Variants in RBL2 observed in about 807,000 individuals in gnomAD.
RBL2 encodes the protein RB transcriptional corepressor like 2, also known as retinoblastoma-like protein 2.
Under a neutral mutation model 126.0 loss-of-function variants are expected in RBL2, and 56 were observed. That is an observed-to-expected ratio of 0.44 (90% CI 0.36 to 0.56). The LOEUF is 0.56. Among genes scored for constraint, RBL2 ranks in the 20% least tolerant of loss-of-function variants. The probability of loss-of-function intolerance (pLI) is 0.00; values close to 1 mark genes in which losing one functional copy is unlikely to be tolerated. For synonymous variants in RBL2, 454 were observed against 478.5 expected, an observed-to-expected ratio of 0.95 and a Z score of 0.67; for missense variants, 1,229 against 1,398.2, an observed-to-expected ratio of 0.88 and a Z score of 1.93.
intron 1 of RBL2, among the ~76,000 whole-genome samples, chr16:53,437,355 A>C (rs1197549384): frequency 6.6e-6 from 1 of 151,972 alleles, no homozygotes; most frequent in East Asian, 1.9e-4. Flanking sequence ...GATACATATA[A>C]GTGGGTTTGT....
intron 8 of RBL2, among the ~76,000 whole-genome samples, chr16:53,457,929 G>A (rs915165037): frequency 1.3e-5 from 2 of 152,154 alleles, no homozygotes; most frequent in African/African-American, 4.8e-5. Flanking sequence ...TCCTGTTTGT[G>A]TACAAGGTGT....
At chr16:53,437,262 T>A (rs1197453174) in intron 1 of RBL2, among the ~76,000 whole-genome samples, 1 of 152,000 alleles carries the variant, frequency 6.6e-6, no homozygotes, top group Non-Finnish European at 1.5e-5. Flanking sequence ...TCAAGAATAT[T>A]ATGAAACCAT....
chr16:53,458,509 C>G (rs980710716), intron 8 of RBL2, among the ~76,000 whole-genome samples: 37 of 152,158 alleles, frequency 2.4e-4, no homozygotes, highest in Admixed American at 2.2e-3. Context: ...GGCAGGAAGA[C>G]CAATGAAGGC....
intron 13 of RBL2, chr16:53,466,658 C>A: frequency 5.5e-6 from 1 of 181,064 alleles, no homozygotes; most frequent in South Asian, 1.1e-4. Flanking sequence ...GACAGGAGGC[C>A]AGCACAGGCG....
At position 53,462,607 on chromosome 16, in the gene RBL2, A is replaced by C; in HGVS notation, c.1512A>C (p.Glu504Asp). Reference protein sequence around the residue: ...FAEMLYYKVLESVIEQEQKRL... With the variant: ...FAEMLYYKVLDSVIEQEQKRL... The stretch of plus-strand genomic sequence containing the variant: ...AGATGCTTTACTATAAAGTATTAGA[A>C]TCTGTTATTGAGCAGGAACAAAAAA... The change falls in exon 11 of 22, where the codon GAA becomes GAC. Residue 504 changes from glutamate to aspartate, a missense_variant. Physicochemically the swap from Glu to Asp is conservative, Grantham distance 45. Coordinates refer to ENST00000262133, the MANE Select transcript of RBL2 (RefSeq NM_005611.4). 6.3e-7 allele frequency: 1 copy of C among 1,575,150 alleles called. No individual in the cohort carries two copies.
At chr16:53,440,559 TTC>T (rs2058004917) in intron 2 of RBL2, among the ~76,000 whole-genome samples, 1 of 152,176 alleles carries the variant, frequency 6.6e-6, no homozygotes, top group Non-Finnish European at 1.5e-5. Flanking sequence ...TAACATTTCA[TTC>T]TGTTTTTTTT....
chr16:53,464,145 A>G, intron 11 of RBL2, 81 bp from the exon 12 acceptor site: 1 of 1,179,292 alleles, frequency 8.5e-7, no homozygotes, highest in South Asian at 2.1e-5. Flanking sequence ...TTTCTTTGGT[A>G]TTTTCACTTA....
chr16:53,490,087 T>C (rs1268645519), intron 21 of RBL2, 43 bp from the exon 22 acceptor site: 1 of 1,434,930 alleles, frequency 7.0e-7, no homozygotes, highest in African/African-American at 1.4e-5. Flanking sequence ...CTGAGCTATG[T>C]GCATTTGCAT....
rs2057978861 is a variant in RBL2, at chr16:53,438,284, G to T, written c.241-732G>T. Among the ~76,000 whole-genome samples the T allele has an allele frequency of 2.0e-5, 3 of 152,230 alleles. No individual in the cohort carries two copies. The South Asian group carries it at 6.2e-4, about 32-fold the overall frequency. On this transcript the variant is annotated intron_variant, in intron 1 of 21. Coordinates refer to ENST00000262133, the MANE Select transcript of RBL2 (RefSeq NM_005611.4). Reference sequence around the variant, plus strand: ...GGGCATCTCTGTATGTTTGTTCCATGTGGTCTCACCAGCATGGTGATCCAG... The same window carrying T: ...GGGCATCTCTGTATGTTTGTTCCATTTGGTCTCACCAGCATGGTGATCCAG...
chr16:53,469,692 C>CA (rs759793143), intron 14 of RBL2, among the ~76,000 whole-genome samples: 1 of 152,112 alleles, frequency 6.6e-6, no homozygotes, highest in African/African-American at 2.4e-5. Context: ...CACTGCAAGA[C>CA]AAAAAATTCC....
At chr16:53,451,289 T>G (rs117468321) in intron 4 of RBL2, among the ~76,000 whole-genome samples, 5,825 of 152,198 alleles carry the variant, frequency 0.038, 160 homozygotes, top group Non-Finnish European at 0.055. Flanking sequence ...AAGGATCACT[T>G]GAGTCCAGGA....
chr16:53,486,496 A>G (rs1961180975), intron 21 of RBL2, among the ~76,000 whole-genome samples: 1 of 152,218 alleles, frequency 6.6e-6, no homozygotes, highest in South Asian at 2.1e-4. Context: ...CCAAACATTT[A>G]AGGAAGAAAT....
intron 17 of RBL2, among the ~76,000 whole-genome samples, chr16:53,477,810 A>C (rs1960790530): frequency 1.3e-5 from 2 of 152,024 alleles, no homozygotes; most frequent in Non-Finnish European, 2.9e-5. Context: ...TTATTTATAC[A>C]ATTGATTTTT....
At chr16:53,464,049 A>G (rs926956531) in intron 11 of RBL2, among the ~76,000 whole-genome samples, 177 bp from the exon 12 acceptor site, 2 of 152,254 alleles carry the variant, frequency 1.3e-5, no homozygotes, top group Non-Finnish European at 2.9e-5. Flanking sequence ...TATTTCCTCT[A>G]CTAAAAAATG....
intron 2 of RBL2, among the ~76,000 whole-genome samples, chr16:53,442,011 C>G (rs191692560): frequency 6.6e-6 from 1 of 151,862 alleles, no homozygotes; most frequent in African/African-American, 2.4e-5. Context: ...TAGTAGAGAT[C>G]GGGTTTTACC....
intron 11 of RBL2, among the ~76,000 whole-genome samples, chr16:53,463,206 GA>G (rs1242466649): frequency 6.6e-6 from 1 of 152,136 alleles, no homozygotes; most frequent in Non-Finnish European, 1.5e-5. Context: ...GACAATGTTG[GA>G]AAATTATAAG....
At chr16:53,470,357 T>G in intron 15 of RBL2, 26 bp from the exon 16 acceptor site, 2 of 1,603,972 alleles carry the variant, frequency 1.2e-6, no homozygotes, top group Non-Finnish European at 1.7e-6. Context: ...CAACATTTTC[T>G]TCATGCTTTT....
In RBL2 at chr16:53,459,597, G is replaced by A; in HGVS notation, c.1326G>A (p.Glu442=). 1 of 1,563,004 alleles carries A rather than the reference G, an allele frequency of 6.4e-7. No homozygotes were observed. The highest frequency in any genetic ancestry group is 8.6e-7 in the Non-Finnish European group (1 of 1,158,804). ...MLTGLRNAPS[E]KLEQILRTCS... is the part of the protein sequence containing the mutation. ...CAGGCCTCAGGAATGCACCAAGTGAGAAACTGGAACAGATTCTCAGGTTAG... is the reference window on the plus strand; with the variant it reads ...CAGGCCTCAGGAATGCACCAAGTGAAAAACTGGAACAGATTCTCAGGTTAG... Residue 442 remains glutamate (E), a synonymous_variant, in exon 9 of 22, where the codon GAG becomes GAA. Coordinates refer to ENST00000262133, the MANE Select transcript of RBL2 (RefSeq NM_005611.4).
chr16:53,482,990 G>A (rs375093055), intron 21 of RBL2, among the ~76,000 whole-genome samples: 25 of 152,174 alleles, frequency 1.6e-4, no homozygotes, highest in East Asian at 9.6e-4. Context: ...TTGCTATAAA[G>A]GACATTTTGA....
Sources: gnomAD v4.1 joint callset for allele counts (sites outside exome capture counted in the v4.1 genomes callset) on GRCh38, gnomAD v4.1.1 for gene constraint, MANE v1.5 for transcripts, NCBI Gene and HGNC (gene_info 2026-07-23, HGNC 2026-07-21) for gene names.